Variants in ZNF296 observed in about 807,000 individuals in gnomAD.
ZNF296 encodes the protein zinc finger protein 296.
In ZNF296, 1 loss-of-function variant was observed where a neutral mutation model predicts 13.2. That is an observed-to-expected ratio of 0.08 (90% CI 0.03 to 0.36). The LOEUF is 0.36. ZNF296 is among the 10% of genes least tolerant of loss of function. ZNF296 has a pLI of 0.99. For missense variants in ZNF296, 555 were observed against 688.2 expected, an observed-to-expected ratio of 0.81 and a Z score of 2.16; for synonymous variants, 303 against 289.0, an observed-to-expected ratio of 1.05 and a Z score of -0.49.
chr19:45,073,235 T>C (rs1967288442), intron 2 of ZNF296, among the ~76,000 whole-genome samples: 1 of 150,018 alleles, frequency 6.7e-6, no homozygotes, highest in Non-Finnish European at 1.5e-5. Context: ...TTGGAAGGGG[T>C]GAAGCTGGGA....
In ZNF296 at chr19:45,071,885, G is replaced by A. The variant is rs200554013; in HGVS notation, c.1144C>T (p.Arg382Cys). 23 of 1,613,144 alleles carry A rather than the reference G, an allele frequency of 1.4e-5. No homozygotes were observed. The highest frequency in any genetic ancestry group is 5.5e-5 in the South Asian group (5 of 91,094). ...AACTCACAGCTGCCCCCGGGCCCGCGGCTCTTGCCCCCTGACTTGGGCATC... is the reference window on the plus strand; with the variant it reads ...AACTCACAGCTGCCCCCGGGCCCGCAGCTCTTGCCCCCTGACTTGGGCATC... ...KKMPKSGGKS[R>C]GPGGSCEFCG... The change falls in exon 3 of 3, where the codon CGC becomes TGC. Residue 382 changes from arginine to cysteine, a missense_variant. Arg to Cys is a radical substitution (Grantham distance 180). Coordinates refer to ENST00000303809, the MANE Select transcript of ZNF296 (RefSeq NM_145288.3).
intron 2 of ZNF296, among the ~76,000 whole-genome samples, chr19:45,073,295 C>T (rs951607463): frequency 3.4e-5 from 5 of 148,470 alleles, no homozygotes; most frequent in Non-Finnish European, 7.4e-5. Context: ...CAGAGGCTTG[C>T]TTGCTTTTTT....
chr19:45,075,638 G>A (rs1380719532), intron 2 of ZNF296, 75 bp downstream of exon 2: 2 of 1,554,886 alleles, frequency 1.3e-6, no homozygotes, highest in South Asian at 1.2e-5. Context: ...GTGCCCTGCC[G>A]TCCAGCCCAG....
intron 2 of ZNF296, among the ~76,000 whole-genome samples, chr19:45,074,302 A>G (rs1450044895): frequency 1.3e-5 from 2 of 152,136 alleles, no homozygotes; most frequent in Non-Finnish European, 2.9e-5. Flanking sequence ...CGGAGGTTGC[A>G]GTGAGCTGAG....
rs752494837 is a variant in ZNF296 at position 45,071,901 on chromosome 19, C to T, written c.1128G>A (p.Lys376=). ...CGGGCCCGCGGCTCTTGCCCCCTGACTTGGGCATCTTTTTGGGTGATGCCT... is the reference window on the plus strand; with the variant it reads ...CGGGCCCGCGGCTCTTGCCCCCTGATTTGGGCATCTTTTTGGGTGATGCCT... The part of the protein sequence containing the change: ...SQKASPKKMP[K]SGGKSRGPGG... Residue 376 remains lysine (K), a synonymous_variant, in exon 3 of 3, where the codon AAG becomes AAA. Transcript: ENST00000303809. 6 of 1,613,532 alleles carry T rather than the reference C, an allele frequency of 3.7e-6. No individual in the cohort carries two copies. The Admixed American group carries it at 6.7e-5, about 18-fold the overall frequency.
intron 2 of ZNF296, 39 bp downstream of exon 2, chr19:45,075,674 C>T (rs772658513): frequency 6.2e-7 from 1 of 1,605,400 alleles, no homozygotes; most frequent in South Asian, 1.1e-5. Context: ...AAGCCCAGCC[C>T]TCGAACTTGA....
In ZNF296 at chr19:45,071,760, G is replaced by A. The variant is rs372399218; in HGVS notation, c.1269C>T (p.Cys423=). 59 of 1,612,704 alleles carry A rather than the reference G, an allele frequency of 3.7e-5. No individual in the cohort carries two copies. The African/African-American group carries it at 5.1e-4, about 14-fold the overall frequency. Residue 423 remains cysteine (C), a synonymous_variant, in exon 3 of 3, where the codon TGC becomes TGT. Coordinates refer to ENST00000303809, the MANE Select transcript of ZNF296 (RefSeq NM_145288.3). ...GGCGGTTGAGCTTACTGCTCTGGGC[G>A]CAGGCGTAGTTGCAGAACTCACAGG... The part of the protein sequence containing the change: ...PYTCEFCNYA[C]AQSSKLNRHR...
At chr19:45,075,934 G>C in intron 1 of ZNF296, 72 bp from the exon 2 acceptor site, 1 of 1,597,408 alleles carries the variant, frequency 6.3e-7, no homozygotes, top group African/African-American at 1.3e-5. Flanking sequence ...AAGGAGAGGG[G>C]AAACCGAAGG....
In ZNF296 at chr19:45,072,123, G is replaced by A; in HGVS notation, c.906C>T (p.Ala302=). The A allele has an allele frequency of 1.9e-6, 3 of 1,606,868 alleles. No homozygotes were observed. The highest frequency in any genetic ancestry group is 2.6e-6 in the Non-Finnish European group (3 of 1,176,262). Residue 302 remains alanine (A), a synonymous_variant, in exon 3 of 3, where the codon GCC becomes GCT. Coordinates refer to ENST00000303809, the MANE Select transcript of ZNF296 (RefSeq NM_145288.3). ...ADTSQEQASA[A]PPEPAVHAAA... The stretch of plus-strand genomic sequence containing the variant: ...CAGCATGGACAGCCGGCTCCGGAGG[G>A]GCTGCAGAGGCCTGCTCCTGGCTGG...
chr19:45,076,478 T>C lies in ZNF296; in HGVS notation c.-105A>G. On this transcript the variant is annotated 5_prime_UTR_variant, in exon 1 of 3. Transcript: ENST00000303809. The surrounding 1 kb of genome is among the most constrained non-coding windows in gnomAD (Gnocchi z 4.9). The stretch of plus-strand genomic sequence containing the variant: ...GACCGTGCGCGCTCAGGTGAGTGAC[T>C]GCGGCGACCCGCCGCGAACTCTTAC... The C allele has an allele frequency of 1.2e-6, 1 of 849,504 alleles. No homozygotes were observed. Among genetic ancestry groups the C allele is most frequent in the Non-Finnish European group, 1.5e-6 (1 of 647,342 alleles). The allele number at this position is 849,504 out of a possible 1,614,324, so 52.6% of individuals were successfully genotyped here.
Position 45,071,703 on chromosome 19 carries a change from G to A in ZNF296, c.1326C>T (p.Ser442=). The A allele has an allele frequency of 6.3e-7, 1 of 1,590,806 alleles. No homozygotes were observed. Among genetic ancestry groups the A allele is most frequent in the Non-Finnish European group, 8.6e-7 (1 of 1,167,662 alleles). The part of the protein sequence containing the change: ...HRRMHGMTPG[S]TRFECPHCHV... Reference sequence around the variant, plus strand: ...GGCAGTGGGGGCACTCGAAGCGGGTGCTGCCAGGCGTCATGCCGTGCATGC... The same window carrying A: ...GGCAGTGGGGGCACTCGAAGCGGGTACTGCCAGGCGTCATGCCGTGCATGC... The change falls in exon 3 of 3, where the codon AGC becomes AGT. Residue 442 remains serine (S), a synonymous_variant. Coordinates refer to ENST00000303809, the MANE Select transcript of ZNF296 (RefSeq NM_145288.3).
rs778388877 is a variant in ZNF296, at chr19:45,076,086, C to G, written c.288G>C (p.Pro96=). ...GCCCGGGGTGCTCACCGGGATAGTT[C>G]GGGGTCAACGGCGTCCACAGGGTCC... The part of the protein sequence containing the change: ...NPWTLWTPLT[P]NYPDRQPWTD... Residue 96 remains proline (P), a synonymous_variant, in exon 1 of 3, where the codon CCG becomes CCC. Transcript: ENST00000303809. The surrounding 1 kb of genome is among the most constrained non-coding windows in gnomAD (Gnocchi z 4.9). 7.6e-6 allele frequency: 12 copies of G among 1,580,328 alleles called. No individual in the cohort carries two copies. The highest frequency in any genetic ancestry group is 9.4e-6 in the Non-Finnish European group (11 of 1,169,224).
Position 45,072,183 on chromosome 19 carries a change from C to A in ZNF296, c.846G>T (p.Arg282=). The change falls in exon 3 of 3, where the codon CGG becomes CGT. Residue 282 remains arginine (R), a synonymous_variant. Transcript: ENST00000303809. Reference sequence around the variant, plus strand: ...TGAGGGGGCTCTGGGGCGGCACCTGCCGGTGGGTCTTCTTGTGGCGGTTGA... The same window carrying A: ...TGAGGGGGCTCTGGGGCGGCACCTGACGGTGGGTCTTCTTGTGGCGGTTGA... The part of the protein sequence containing the change: ...SKLNRHKKTH[R]QVPPQSPLMA... 6.3e-7 allele frequency: 1 copy of A among 1,595,676 alleles called. No individual in the cohort carries two copies. Among genetic ancestry groups the A allele is most frequent in the South Asian group, 1.1e-5 (1 of 88,738 alleles).
chr19:45,075,889 G>A, intron 1 of ZNF296, 27 bp from the exon 2 acceptor site: 4 of 1,612,508 alleles, frequency 2.5e-6, no homozygotes, highest in South Asian at 1.1e-5. Flanking sequence ...GGTGGTGAGC[G>A]TGGGGTGGGG....
At position 45,072,885 on chromosome 19, in the gene ZNF296, T is replaced by A. The variant is rs188155629; in HGVS notation, c.449-305A>T. Among the ~76,000 whole-genome samples the A allele has an allele frequency of 1.1e-3, 175 of 152,182 alleles. 3 individuals carry two copies. In the East Asian group the frequency reaches 0.031, roughly 27 times the overall value. On this transcript the variant is annotated intron_variant, in intron 2 of 2. Transcript: ENST00000303809. ...CAAGCTATTCTCATGCCTCAGCCTCTAGAGTAGCTGGGATTACAGGCGCCC... is the reference window on the plus strand; with the variant it reads ...CAAGCTATTCTCATGCCTCAGCCTCAAGAGTAGCTGGGATTACAGGCGCCC...
rs1216392946 is a variant in ZNF296, at chr19:45,072,263, C to T, written c.766G>A (p.Glu256Lys). Reference sequence around the variant, plus strand: ...CACTGGTCGCAAGCATAGGGCCGCTCGCCTGTGTGTGAGCGCATGTGCACT... The same window carrying T: ...CACTGGTCGCAAGCATAGGGCCGCTTGCCTGTGTGTGAGCGCATGTGCACT... ...LKVHMRSHTG[E>K]RPYACDQCPY... The change falls in exon 3 of 3, where the codon GAG becomes AAG. Residue 256 changes from glutamate (E) to lysine (K), a missense_variant. By Grantham distance (56) the Glu-to-Lys change is moderately conservative. This residue lies in a region of ZNF296 where 410 missense variants were observed against 548.0 expected (regional missense o/e 0.75). Transcript: ENST00000303809. The T allele has an allele frequency of 5.6e-6, 9 of 1,613,656 alleles. No homozygotes were observed. The highest frequency in any genetic ancestry group is 1.6e-4 in the Middle Eastern group (1 of 6,062).
Position 45,075,725 on chromosome 19 carries a change from C to T in ZNF296, c.436G>A (p.Gly146Ser). The T allele has an allele frequency of 6.2e-7, 1 of 1,614,006 alleles. No individual in the cohort carries two copies. The highest frequency in any genetic ancestry group is 8.5e-7 in the Non-Finnish European group (1 of 1,179,968). ...CGGCTTTACTCACCTGAGCCCTGGC[C>T]GCGGCTGGGGCCTCTGAAGAGCTGA... ...GCQLFRGPSRGQGSEREELKA... is the reference protein window; with the variant it reads ...GCQLFRGPSRSQGSEREELKA... Residue 146 changes from glycine (G) to serine (S), a missense_variant, in exon 2 of 3, where the codon GGC becomes AGC. Gly to Ser is a moderately conservative substitution (Grantham distance 56). This residue lies in a region of ZNF296 where 410 missense variants were observed against 548.0 expected (regional missense o/e 0.75). Transcript: ENST00000303809.
chr19:45,071,778 C>G lies in ZNF296; in HGVS notation c.1251G>C (p.Glu417Asp), dbSNP rs1429963380. Residue 417 changes from glutamate (E) to aspartate (D), a missense_variant, in exon 3 of 3, where the codon GAG becomes GAC. Physicochemically the swap from Glu to Asp is conservative, Grantham distance 45 (BLOSUM62 2). Coordinates refer to ENST00000303809, the MANE Select transcript of ZNF296 (RefSeq NM_145288.3). ...TCTGGGCGCAGGCGTAGTTGCAGAA[C>G]TCACAGGTGTAGGGGCGCTCCCCGG... ...SHTGERPYTC[E>D]FCNYACAQSS... 1.2e-6 allele frequency: 2 copies of G among 1,607,204 alleles called. No individual in the cohort carries two copies. The highest frequency in any genetic ancestry group is 1.7e-6 in the Non-Finnish European group (2 of 1,177,658).
Position 45,072,566 on chromosome 19 carries a change from T to G in ZNF296, c.463A>C (p.Lys155Gln). The change falls in exon 3 of 3, where the codon AAG (lysine) becomes CAG (glutamine). Residue 155 changes from lysine to glutamine, a missense_variant. Lys to Gln is a moderately conservative substitution (Grantham distance 53). Around this residue, in one of 3 missense-constraint regions of ZNF296, gnomAD observed 410 missense variants for 548.0 expected, o/e 0.75. Transcript: ENST00000303809. Reference protein sequence around the residue: ...RGQGSEREELKALSCLRCGKQ... With the variant: ...RGQGSEREELQALSCLRCGKQ... Reference sequence around the variant, plus strand: ...CCACAGCGCAGGCAGCTCAAGGCCTTCAGCTCCTCTCGTTCTGGTAAGAAA... The same window carrying G: ...CCACAGCGCAGGCAGCTCAAGGCCTGCAGCTCCTCTCGTTCTGGTAAGAAA... 1 of 1,598,646 alleles carries G rather than the reference T, an allele frequency of 6.3e-7. No homozygotes were observed.
Sources: gnomAD v4.1 joint callset for allele counts (sites outside exome capture counted in the v4.1 genomes callset) on GRCh38, gnomAD v4.1.1 for gene constraint, gnomAD v4.1.1 regional missense constraint, Gnocchi (gnomAD v3.1) non-coding constraint, MANE v1.5 for transcripts, NCBI Gene and HGNC (gene_info 2026-07-23, HGNC 2026-07-21) for gene names.